Variants in ASPG observed in about 807,000 individuals in gnomAD.
ASPG encodes 60 kDa lysophospholipase.
In ASPG, 53 loss-of-function variants were observed where a neutral mutation model predicts 63.2. The observed-to-expected ratio is 0.84, with a 90% confidence interval of 0.67 to 1.05. ASPG has a LOEUF of 1.05. Among genes scored for constraint, ASPG ranks in the 50% least tolerant of loss-of-function variants. The pLI is 0.00. For missense variants in ASPG, 741 were observed against 794.4 expected (o/e 0.93, Z 0.81); for synonymous variants, 370 against 355.0 (o/e 1.04, Z -0.48).
At position 104,113,137 on chromosome 14, in the gene ASPG, C is replaced by T; in HGVS notation, c.*593C>T. 1 of 171,714 alleles carries T rather than the reference C, an allele frequency of 5.8e-6. No homozygotes were observed. Among genetic ancestry groups the T allele is most frequent in the South Asian group, 1.5e-4 (1 of 6,562 alleles). The allele number at this position is 171,714 out of a possible 1,614,324, so 10.6% of individuals were successfully genotyped here. ...ACCCCAGTATCGCTGCACCCGGCCC[C>T]CCTCTCAGGCCAGGGCCACACCAGG... is the stretch of plus-strand genomic sequence containing the variant. On this transcript the variant is annotated 3_prime_UTR_variant, in exon 16 of 16. Transcript: ENST00000551177.
At chr14:104,104,227 G>A in intron 7 of ASPG, 77 bp from the exon 8 acceptor site, 1 of 1,473,760 alleles carries the variant, frequency 6.8e-7, no homozygotes, top group South Asian at 1.3e-5. Flanking sequence ...CCTCTCCTTG[G>A]GAGGGCATGG....
At chr14:104,108,590 G>A (rs1173727632) in intron 12 of ASPG, 1 of 985,324 alleles carries the variant, frequency 1.0e-6, no homozygotes, top group African/African-American at 1.7e-5. Context: ...GGCACGGCCA[G>A]CGATTATGGC....
In ASPG at chr14:104,109,596, G is replaced by A. The variant is rs1313251572; in HGVS notation, c.1520+281G>A. 2.1e-5 allele frequency among the ~76,000 whole-genome samples: 3 copies of A among 146,252 alleles called. No individual in the cohort carries two copies. The highest frequency in any genetic ancestry group is 3.0e-5 in the Non-Finnish European group (2 of 67,656). On this transcript the variant is annotated intron_variant, in intron 13 of 15. Coordinates refer to ENST00000551177, the MANE Select transcript of ASPG (RefSeq NM_001080464.3). The surrounding 1 kb of genome is among the most constrained non-coding windows in gnomAD (Gnocchi z 4.8). ...CATGTGTGTATGCATGTGTGTGGGT[G>A]CATGTGTGTGTGTGTGGTGGGCTTG... is the stretch of plus-strand genomic sequence containing the variant.
At position 104,089,947 on chromosome 14, in the gene ASPG, C is replaced by CAAAAAAA. The variant is rs58405958; in HGVS notation, c.83-2665_83-2659dup. Among the ~76,000 whole-genome samples, 8 of 56,352 alleles carry CAAAAAAA rather than the reference C, an allele frequency of 1.4e-4. 1 individual carries two copies. Among genetic ancestry groups the CAAAAAAA allele is most frequent in the South Asian group, 2.2e-3 (2 of 894 alleles). The allele number at this position is 56,352 out of a possible 152,430, so 37.0% of individuals were successfully genotyped here. ...TGGGCAACAGAGTGAGACTCTGCCT[C>CAAAAAAA]AAAAAAAAAAAAAAAAAAAAAAAAA... On this transcript the variant is annotated intron_variant, in intron 1 of 15. Transcript: ENST00000551177.
At chr14:104,099,456 C>T (rs1405881974) in intron 6 of ASPG, among the ~76,000 whole-genome samples, 1 of 152,174 alleles carries the variant, frequency 6.6e-6, no homozygotes. Flanking sequence ...GGGCCAAGCC[C>T]GCCCCCTGGC....
intron 7 of ASPG, among the ~76,000 whole-genome samples, chr14:104,103,986 C>CAAG (rs1768243703): frequency 6.6e-6 from 1 of 152,248 alleles, no homozygotes; most frequent in South Asian, 2.1e-4. Flanking sequence ...CTGTGCTGGA[C>CAAG]AAGGGTGTTT....
intron 12 of ASPG, among the ~76,000 whole-genome samples, chr14:104,107,811 C>A (rs370228975): frequency 1.3e-5 from 2 of 152,354 alleles, no homozygotes; most frequent in African/African-American, 4.8e-5. Flanking sequence ...TGTGCCTGTG[C>A]CCCTGCGTGG....
intron 6 of ASPG, among the ~76,000 whole-genome samples, chr14:104,103,343 A>G (rs763244172): frequency 3.9e-5 from 6 of 152,214 alleles, no homozygotes; most frequent in Non-Finnish European, 7.3e-5. Flanking sequence ...CTCCTCCCAC[A>G]GCCCCGTGCA....
chr14:104,098,909 C>A lies in ASPG; in HGVS notation c.570C>A (p.Asp190Glu), dbSNP rs200662335. The A allele has an allele frequency of 1.5e-5, 24 of 1,611,568 alleles. No homozygotes were observed. Among genetic ancestry groups the A allele is most frequent in the Non-Finnish European group, 1.4e-5 (17 of 1,179,378 alleles). ...LFRGNRATKV[D>E]ARRFAAFCSP... The stretch of plus-strand genomic sequence containing the variant: ...GGGGCAACCGGGCAACCAAGGTAGA[C>A]GCTCGGAGGTTCGCAGCTTTCTGCT... The change falls in exon 6 of 16, where the codon GAC (aspartate) becomes GAA (glutamate). Residue 190 changes from aspartate to glutamate, a missense_variant. Physicochemically the swap from Asp to Glu is conservative, Grantham distance 45. Coordinates refer to ENST00000551177, the MANE Select transcript of ASPG (RefSeq NM_001080464.3).
chr14:104,104,825 A>C, intron 9 of ASPG, 90 bp downstream of exon 9: 1 of 1,132,892 alleles, frequency 8.8e-7, no homozygotes, highest in Non-Finnish European at 1.2e-6. Context: ...ATGCCGGAAG[A>C]GCCTGGGGGC....
rs1002484737 is a variant in ASPG, at chr14:104,108,796, C to T, written c.1434-433C>T. On this transcript the variant is annotated intron_variant, in intron 12 of 15. Coordinates refer to ENST00000551177, the MANE Select transcript of ASPG (RefSeq NM_001080464.3). ...CTGCGCCTGGCTGAGGAGGTCACCACGGGGTGTGATCAGCGTTTGGGTGTG... is the reference window on the plus strand; with the variant it reads ...CTGCGCCTGGCTGAGGAGGTCACCATGGGGTGTGATCAGCGTTTGGGTGTG... 13 of 985,286 alleles carry T rather than the reference C, an allele frequency of 1.3e-5. No homozygotes were observed. The South Asian group carries it at 1.4e-4, about 11-fold the overall frequency. 61.0% of individuals were successfully genotyped at this position (985,286 alleles called of 1,614,324 possible).
intron 6 of ASPG, among the ~76,000 whole-genome samples, chr14:104,099,784 C>T (rs554355193): frequency 6.6e-6 from 1 of 152,366 alleles, no homozygotes; most frequent in Non-Finnish European, 1.5e-5. Flanking sequence ...AAGGCAGCCC[C>T]AAACCTGCCC....
At position 104,092,803 on chromosome 14, in the gene ASPG, G is replaced by A. The variant is rs1425178371; in HGVS notation, c.191+62G>A. ...GGCTGCTGAGGGGCACCGATCCTGA[G>A]GCTGGGCACTGCTGGCCAGGCCCAC... On this transcript the variant is annotated intron_variant, in intron 2 of 15. Transcript: ENST00000551177. 5 of 1,413,598 alleles carry A rather than the reference G, an allele frequency of 3.5e-6. No homozygotes were observed. The African/African-American group carries it at 7.1e-5, about 20-fold the overall frequency. The allele number at this position is 1,413,598 out of a possible 1,614,324, so 87.6% of individuals were successfully genotyped here. A position where few individuals can be genotyped will look rare whatever the true frequency, so the allele number is the denominator to read the frequency against.
chr14:104,094,722 C>T (rs554579423), intron 3 of ASPG, among the ~76,000 whole-genome samples: 24 of 152,338 alleles, frequency 1.6e-4, no homozygotes, highest in African/African-American at 5.8e-4. Context: ...TTGAGGCCCA[C>T]GAAGCTGCCC....
At chr14:104,094,011 G>A (rs1026981372) in intron 3 of ASPG, among the ~76,000 whole-genome samples, 7 of 151,928 alleles carry the variant, frequency 4.6e-5, no homozygotes, top group African/African-American at 1.7e-4. Flanking sequence ...TGGGACGGGT[G>A]AGGAGCTGCA....
chr14:104,097,604 A>G lies in ASPG; in HGVS notation c.480A>G (p.Ala160=). 4 of 1,565,358 alleles carry G rather than the reference A, an allele frequency of 2.6e-6. No individual in the cohort carries two copies. Among genetic ancestry groups the G allele is most frequent in the Non-Finnish European group, 3.5e-6 (4 of 1,155,798 alleles). ...ACGGCCGTGAGAACCTGCTGGGGGC[A>G]CTGCTCATGGCTGGCCAGTATGTGA... ...WSDGRENLLG[A]LLMAGQYVIP... Residue 160 remains alanine (A), a synonymous_variant, in exon 5 of 16, where the codon GCA becomes GCG. Coordinates refer to ENST00000551177, the MANE Select transcript of ASPG (RefSeq NM_001080464.3).
In ASPG at chr14:104,102,247, T is replaced by C. The variant is rs2036909413; in HGVS notation, c.641-1316T>C. ...CTGATGCTGTGGGCTCTGGTGGGGG[T>C]GGAAGACTCACTGCTGGGGGCTCCG... On this transcript the variant is annotated intron_variant, in intron 6 of 15. Transcript: ENST00000551177. Among the ~76,000 whole-genome samples, 3 of 151,800 alleles carry C rather than the reference T, an allele frequency of 2.0e-5. No homozygotes were observed. The East Asian group carries it at 5.8e-4, about 30-fold the overall frequency.
chr14:104,104,930 T>G (rs542723712), intron 9 of ASPG, 195 bp downstream of exon 9: 19 of 595,042 alleles, frequency 3.2e-5, no homozygotes, highest in Non-Finnish European at 5.0e-5. Flanking sequence ...CAGCCCTCAC[T>G]GGACTCCCAG....
intron 1 of ASPG, 44 bp from the exon 2 acceptor site, chr14:104,092,589 C>T: frequency 6.8e-7 from 1 of 1,477,522 alleles, no homozygotes; most frequent in Non-Finnish European, 9.1e-7. Context: ...GCGGCCATGG[C>T]TGTCAGCCCC....
Sources: gnomAD v4.1 joint callset for allele counts (sites outside exome capture counted in the v4.1 genomes callset) on GRCh38, gnomAD v4.1.1 for gene constraint, Gnocchi (gnomAD v3.1) non-coding constraint, MANE v1.5 for transcripts, NCBI Gene and HGNC (gene_info 2026-07-23, HGNC 2026-07-21) for gene names.